Variants in ALK observed in about 807,000 individuals in gnomAD.
ALK encodes the protein ALK receptor tyrosine kinase, also known as ALK tyrosine kinase receptor.
In ALK, 74 loss-of-function variants were observed where a neutral mutation model predicts 163.1. That is an observed-to-expected ratio of 0.45 (90% confidence interval 0.38 to 0.55). ALK has a LOEUF of 0.55. Ranked by LOEUF, ALK falls within the 20% of genes least tolerant of loss-of-function variation. The probability of loss-of-function intolerance (pLI) is 0.00; values close to 1 mark genes in which losing one functional copy is unlikely to be tolerated. For synonymous variants in ALK, 960 were observed against 843.2 expected (o/e 1.14, Z -2.40); for missense variants, 2,063 against 2,105.3 (o/e 0.98, Z 0.39).
At chr2:29,847,829 G>A (rs775011678) in intron 1 of ALK, among the ~76,000 whole-genome samples, 10 of 151,718 alleles carry the variant, frequency 6.6e-5, no homozygotes, top group Non-Finnish European at 1.2e-4. Flanking sequence ...ATGAGAGAGC[G>A]TAGGAAGAGG....
chr2:29,284,083 G>A (rs114272561), intron 9 of ALK, among the ~76,000 whole-genome samples: 506 of 152,328 alleles, frequency 3.3e-3, no homozygotes, highest in African/African-American at 0.012. Context: ...TGGACAATGA[G>A]AGAGAAGTCA....
chr2:29,632,281 G>T (rs1206172206), intron 3 of ALK, among the ~76,000 whole-genome samples: 1 of 152,188 alleles, frequency 6.6e-6, no homozygotes, highest in Non-Finnish European at 1.5e-5. Context: ...TAGTGGGAAT[G>T]CAAGTATTAT....
chr2:29,680,856 T>C (rs1223838141), intron 3 of ALK, among the ~76,000 whole-genome samples: 1 of 152,124 alleles, frequency 6.6e-6, no homozygotes, highest in Non-Finnish European at 1.5e-5. Context: ...TAGGTTCTTT[T>C]CTTGTTCTTA....
At position 29,653,917 on chromosome 2, in the gene ALK, C is replaced by T. The variant is rs184579127; in HGVS notation, c.952+40933G>A. Among the ~76,000 whole-genome samples the T allele has an allele frequency of 8.7e-4, 133 of 152,104 alleles. 1 individual carries two copies. Among genetic ancestry groups the T allele is most frequent in the African/African-American group, 3.0e-3 (124 of 41,518 alleles). On this transcript the variant is annotated intron_variant, in intron 3 of 28. Transcript: ENST00000389048. The stretch of plus-strand genomic sequence containing the variant: ...TCCCTACTAAAAATACAAAAATCAG[C>T]TGGGCAGGGCACATGCCTGTAATCC...
At position 29,232,466 on chromosome 2, in the gene ALK, T is replaced by G. The variant is rs1664242346; in HGVS notation, c.2488-18A>C. On this transcript the variant is annotated intron_variant, in intron 14 of 28. Transcript: ENST00000389048. ...TCCTTCATCTGACCAGGGGAGACAT[T>G]CAGACATTGAGAAACCGAGCTGTGC... The G allele has an allele frequency of 6.2e-7, 1 of 1,614,000 alleles. No individual in the cohort carries two copies. The highest frequency in any genetic ancestry group is 1.1e-5 in the South Asian group (1 of 91,072).
rs1461608047 is a variant in ALK, at chr2:29,374,168, A to T, written c.1282+9564T>A. ...TTAGGAGATTCAGCTTAGTCAAGGG[A>T]TGCCAGAGAGAGGATGAGAATACGT... On this transcript the variant is annotated intron_variant, in intron 5 of 28. Coordinates refer to ENST00000389048, the MANE Select transcript of ALK (RefSeq NM_004304.5). 3.3e-5 allele frequency among the ~76,000 whole-genome samples: 5 copies of T among 152,242 alleles called. No homozygotes were observed. The South Asian group carries it at 6.2e-4, about 19-fold the overall frequency.
chr2:29,687,326 C>A (rs970605307), intron 3 of ALK, among the ~76,000 whole-genome samples: 3 of 151,810 alleles, frequency 2.0e-5, no homozygotes, highest in Non-Finnish European at 4.4e-5. Flanking sequence ...ACTTGGGAGC[C>A]CATGCCAGCT....
In ALK at chr2:29,246,165, C is replaced by G. The variant is rs568946593; in HGVS notation, c.2204+4940G>C. Among the ~76,000 whole-genome samples, 1 of 145,296 alleles carries G rather than the reference C, an allele frequency of 6.9e-6. No individual in the cohort carries two copies. The highest frequency in any genetic ancestry group is 1.5e-5 in the Non-Finnish European group (1 of 66,666). On this transcript the variant is annotated intron_variant, in intron 12 of 28. Coordinates refer to ENST00000389048, the MANE Select transcript of ALK (RefSeq NM_004304.5). This position sits in a 1 kb window ranked among gnomAD's most constrained non-coding sequence, Gnocchi z 4.3. ...TGGGGAGGAGATGGGGGCAGGACTGCGGGCTGAGAAGGATGCTGGTCCTAG... is the reference window on the plus strand; with the variant it reads ...TGGGGAGGAGATGGGGGCAGGACTGGGGGCTGAGAAGGATGCTGGTCCTAG...
intron 1 of ALK, among the ~76,000 whole-genome samples, chr2:29,781,559 T>C (rs1681331554): frequency 6.6e-6 from 1 of 152,240 alleles, no homozygotes; most frequent in East Asian, 1.9e-4. Context: ...ATCATTACAA[T>C]GTGCGAAGCA....
At chr2:29,676,075 A>G (rs1395606730) in intron 3 of ALK, among the ~76,000 whole-genome samples, 1 of 151,974 alleles carries the variant, frequency 6.6e-6, no homozygotes, top group East Asian at 1.9e-4. Context: ...GATTTGTAAG[A>G]GTTGTTTATA....
chr2:29,841,038 C>T lies in ALK; in HGVS notation c.667+78955G>A, dbSNP rs147726952. On this transcript the variant is annotated intron_variant, in intron 1 of 28. Coordinates refer to ENST00000389048, the MANE Select transcript of ALK (RefSeq NM_004304.5). ...ATTACTCTAAGAATCATTTTGTTAG[C>T]CTTGTGTTAGGGGATAGGATTAACT... Among the ~76,000 whole-genome samples, 488 of 152,248 alleles carry T rather than the reference C, an allele frequency of 3.2e-3. 4 individuals carry two copies. The highest frequency in any genetic ancestry group is 0.025 in the South Asian group (122 of 4,822).
chr2:29,259,656 G>A (rs1414710706), intron 11 of ALK, among the ~76,000 whole-genome samples: 1 of 151,542 alleles, frequency 6.6e-6, no homozygotes, highest in Non-Finnish European at 1.5e-5. Flanking sequence ...ATTTTGCTTA[G>A]GTGTCCAAAG....
At chr2:29,663,854 T>C (rs532599116) in intron 3 of ALK, among the ~76,000 whole-genome samples, 1 of 152,288 alleles carries the variant, frequency 6.6e-6, no homozygotes, top group East Asian at 1.9e-4. Context: ...AATGCTTCTC[T>C]CTAGTGTTTG....
In ALK at chr2:29,288,959, T is replaced by TAAAAAAA. The variant is rs1491072132; in HGVS notation, c.1817+7928_1817+7929insTTTTTTT. ...AGAGGGAGACTCCTTCTCAAAAAAA[T>TAAAAAAA]AAATAAATAAATAAATAAATAAATA... On this transcript the variant is annotated intron_variant, in intron 9 of 28. Transcript: ENST00000389048. Among the ~76,000 whole-genome samples, 30 of 25,016 alleles carry TAAAAAAA rather than the reference T, an allele frequency of 1.2e-3. 4 individuals are homozygous for TAAAAAAA. The highest frequency in any genetic ancestry group is 0.033 in the Middle Eastern group (1 of 30). The allele number at this position is 25,016 out of a possible 152,430, so 16.4% of individuals were successfully genotyped here. A position where few individuals can be genotyped will look rare whatever the true frequency, so the allele number is the denominator to read the frequency against.
intron 5 of ALK, among the ~76,000 whole-genome samples, chr2:29,354,094 C>T (rs909463063): frequency 1.3e-5 from 2 of 152,010 alleles, no homozygotes; most frequent in Non-Finnish European, 2.9e-5. Context: ...TCAGTGTAGT[C>T]TCATGTGCTG....
intron 3 of ALK, among the ~76,000 whole-genome samples, chr2:29,581,387 CAAATA>C (rs59760217): frequency 1.3e-5 from 2 of 151,736 alleles, no homozygotes; most frequent in Non-Finnish European, 2.9e-5. Context: ...GGATCCATCT[CAAATA>C]AAATAAAATA....
At chr2:29,797,844 C>G (rs956985282) in intron 1 of ALK, among the ~76,000 whole-genome samples, 1 of 151,610 alleles carries the variant, frequency 6.6e-6, no homozygotes, top group Non-Finnish European at 1.5e-5. Context: ...AAGCACTATA[C>G]CTGTTTATTC....
chr2:29,740,038 A>G (rs566217055), intron 1 of ALK, among the ~76,000 whole-genome samples: 49 of 152,222 alleles, frequency 3.2e-4, no homozygotes, highest in Non-Finnish European at 5.7e-4. Context: ...TCAATTCAAC[A>G]AACATTGATT....
At chr2:29,762,863 C>T (rs549503017) in intron 1 of ALK, among the ~76,000 whole-genome samples, 14 of 151,946 alleles carry the variant, frequency 9.2e-5, no homozygotes, top group African/African-American at 2.9e-4. Context: ...CCGAGGCGGG[C>T]GGATCACGAG....
Sources: gnomAD v4.1 joint callset for allele counts (sites outside exome capture counted in the v4.1 genomes callset) on GRCh38, gnomAD v4.1.1 for gene constraint, Gnocchi (gnomAD v3.1) non-coding constraint, MANE v1.5 for transcripts, NCBI Gene and HGNC (gene_info 2026-07-23, HGNC 2026-07-21) for gene names.